The following SP4 variants were observed in gnomAD, a reference collection of about 807,000 sequenced individuals.
SP4 encodes Sp4 transcription factor.
A neutral mutation model predicts 72.8 loss-of-function variants in SP4; 19 were observed. That is an observed-to-expected ratio of 0.26 (90% CI 0.18 to 0.38). The LOEUF is 0.38. Ranked by LOEUF, SP4 falls within the 10% of genes least tolerant of loss-of-function variation. The probability of loss-of-function intolerance (pLI) is 1.00; values close to 1 mark genes in which losing one functional copy is unlikely to be tolerated. For synonymous variants in SP4, 395 were observed against 333.1 expected, an observed-to-expected ratio of 1.19 and a Z score of -2.02; for missense variants, 1,008 against 926.3, an observed-to-expected ratio of 1.09 and a Z score of -1.14.
At chr7:21,497,949 C>T (rs182135239) in intron 5 of SP4, among the ~76,000 whole-genome samples, 106 of 152,262 alleles carry the variant, frequency 7.0e-4, no homozygotes, top group African/African-American at 2.4e-3. Flanking sequence ...CAATCTTAGT[C>T]GTCTTTGTCA....
At chr7:21,472,989 A>G (rs966830270) in intron 3 of SP4, among the ~76,000 whole-genome samples, 1 of 152,184 alleles carries the variant, frequency 6.6e-6, no homozygotes, top group African/African-American at 2.4e-5. Context: ...GGAGCTGAGT[A>G]AGTCCTTGTG....
At chr7:21,493,199 G>GAAAA (rs111403862) in intron 5 of SP4, among the ~76,000 whole-genome samples, 1 of 146,476 alleles carries the variant, frequency 6.8e-6, no homozygotes, top group Non-Finnish European at 1.5e-5. Flanking sequence ...GATTCCATGT[G>GAAAA]AAAAAAAAAA....
At chr7:21,450,825 G>T (rs1406009230) in intron 3 of SP4, among the ~76,000 whole-genome samples, 1 of 152,182 alleles carries the variant, frequency 6.6e-6, no homozygotes, top group African/African-American at 2.4e-5. Context: ...TCAGAAGAAA[G>T]AATTTAACCA....
At position 21,448,607 on chromosome 7, in the gene SP4, A is replaced by G. The variant is rs967543162; in HGVS notation, c.1678+17764A>G. Among the ~76,000 whole-genome samples, 12 of 152,330 alleles carry G rather than the reference A, an allele frequency of 7.9e-5. No homozygotes were observed. The East Asian group carries it at 2.3e-3, about 29-fold the overall frequency. On this transcript the variant is annotated intron_variant, in intron 3 of 5. Transcript: ENST00000222584. ...TCACAAGCCTCAGTAATAAACACCT[A>G]TAAAATGAAGATAGCCTGCCTACTA... is the stretch of plus-strand genomic sequence containing the variant.
chr7:21,458,019 ACT>A (rs910095633), intron 3 of SP4, among the ~76,000 whole-genome samples: 2 of 152,058 alleles, frequency 1.3e-5, no homozygotes, highest in African/African-American at 4.8e-5. Context: ...AGGCTAAATT[ACT>A]CTTAAGAGTT....
chr7:21,476,656 T>C (rs1056146792), intron 3 of SP4, among the ~76,000 whole-genome samples: 1 of 152,222 alleles, frequency 6.6e-6, no homozygotes, highest in Admixed American at 6.5e-5. Flanking sequence ...TCCTGTATTT[T>C]CTTGTTATGA....
In SP4 at chr7:21,511,501, A is replaced by G. The variant is rs2128418156; in HGVS notation, c.*232A>G. 4 of 475,054 alleles carry G rather than the reference A, an allele frequency of 8.4e-6. No homozygotes were observed. The East Asian group carries it at 1.0e-4, about 12-fold the overall frequency. 29.4% of individuals were successfully genotyped at this position (475,054 alleles called of 1,614,324 possible). ...GTATTTCCTCCATACTATAAGTTGTAGTTGTTTGGAAATATATCACATAAC... is the reference window on the plus strand; with the variant it reads ...GTATTTCCTCCATACTATAAGTTGTGGTTGTTTGGAAATATATCACATAAC... On this transcript the variant is annotated 3_prime_UTR_variant, in exon 6 of 6. Transcript: ENST00000222584.
intron 3 of SP4, among the ~76,000 whole-genome samples, chr7:21,449,429 C>T (rs1783522985): frequency 6.6e-6 from 1 of 151,896 alleles, no homozygotes; most frequent in Non-Finnish European, 1.5e-5. Context: ...TTTTTCAATC[C>T]TTGTGGCAAA....
intron 3 of SP4, among the ~76,000 whole-genome samples, chr7:21,436,880 A>C (rs1783066542): frequency 6.6e-6 from 1 of 152,206 alleles, no homozygotes; most frequent in Non-Finnish European, 1.5e-5. Context: ...GCCCTATTTT[A>C]GAAATGAAGA....
chr7:21,436,396 A>G (rs1156658445), intron 3 of SP4, among the ~76,000 whole-genome samples: 1 of 152,190 alleles, frequency 6.6e-6, no homozygotes, highest in East Asian at 1.9e-4. Flanking sequence ...TAGAAATAAC[A>G]GACTTACAAA....
intron 3 of SP4, among the ~76,000 whole-genome samples, chr7:21,459,542 A>C (rs925329737): frequency 1.3e-5 from 2 of 152,234 alleles, no homozygotes; most frequent in Non-Finnish European, 2.9e-5. Context: ...CCCAGGTAAT[A>C]TATTTTGAGC....
intron 3 of SP4, among the ~76,000 whole-genome samples, chr7:21,460,793 C>A (rs897315448): frequency 6.6e-6 from 1 of 150,858 alleles, no homozygotes; most frequent in Non-Finnish European, 1.5e-5. Context: ...ATTTACAAAC[C>A]CTGAGCTAGA....
At chr7:21,482,362 T>G (rs1056263380) in intron 5 of SP4, among the ~76,000 whole-genome samples, 1 of 152,218 alleles carries the variant, frequency 6.6e-6, no homozygotes, top group Non-Finnish European at 1.5e-5. Flanking sequence ...TTTATTCCAT[T>G]TGTTTATATT....
chr7:21,435,726 C>A (rs936850263), intron 3 of SP4, among the ~76,000 whole-genome samples: 1 of 152,058 alleles, frequency 6.6e-6, no homozygotes, highest in African/African-American at 2.4e-5. Flanking sequence ...AAACTTAAAT[C>A]TTGTATTCAA....
At chr7:21,494,974 A>C (rs1376614095) in intron 5 of SP4, among the ~76,000 whole-genome samples, 1 of 152,152 alleles carries the variant, frequency 6.6e-6, no homozygotes, top group Non-Finnish European at 1.5e-5. Flanking sequence ...ACAGGGTGCA[A>C]AAACAGTTCA....
intron 3 of SP4, among the ~76,000 whole-genome samples, chr7:21,465,652 A>G (rs997540767): frequency 6.6e-6 from 1 of 152,194 alleles, no homozygotes. Context: ...CCTACCCTAG[A>G]AAGTCCCTTC....
rs144514806 is a variant in SP4, at chr7:21,463,661, T to G, written c.1679-13418T>G. Among the ~76,000 whole-genome samples the G allele has an allele frequency of 7.1e-4, 108 of 152,256 alleles. No individual in the cohort carries two copies. In the East Asian group the frequency reaches 9.5e-3, roughly 13 times the overall value. ...TTAAATATCGTGGTTGGAGAAGAGA[T>G]AGTGCCAAGCCTGACTTCTTGGAGG... On this transcript the variant is annotated intron_variant, in intron 3 of 5. Transcript: ENST00000222584.
intron 5 of SP4, chr7:21,482,625 A>G: frequency 3.0e-6 from 3 of 983,636 alleles, no homozygotes; most frequent in Non-Finnish European, 3.6e-6. Flanking sequence ...GCAGTTATAA[A>G]GTGAACATCA....
chr7:21,501,794 A>G (rs931909259), intron 5 of SP4, among the ~76,000 whole-genome samples: 5 of 152,228 alleles, frequency 3.3e-5, no homozygotes, highest in African/African-American at 1.2e-4. Flanking sequence ...CCCACCCAGC[A>G]TAACACATAC....
Sources: allele counts gnomAD v4.1 joint callset (sites outside exome capture counted in the v4.1 genomes callset), GRCh38; gene constraint gnomAD v4.1.1; transcripts MANE v1.5; gene names NCBI Gene and HGNC (gene_info 2026-07-23, HGNC 2026-07-21).